The following PTCHD4 variants were observed in gnomAD, a reference collection of about 807,000 sequenced individuals.
The protein encoded by PTCHD4 is patched domain containing 4.
A neutral mutation model predicts 58.1 loss-of-function variants in PTCHD4; 33 were observed. The ratio of observed to expected loss-of-function variants is 0.57; its 90% CI spans 0.43 to 0.76. The LOEUF (loss-of-function observed/expected upper bound fraction) is 0.76. Among genes scored for constraint, PTCHD4 ranks in the 30% least tolerant of loss-of-function variants. The pLI, the probability that PTCHD4 is intolerant of heterozygous loss-of-function variation, is 0.00. For missense variants in PTCHD4, 1,058 were observed against 1,027.1 expected (o/e 1.03, Z -0.41); for synonymous variants, 478 against 409.6 (o/e 1.17, Z -2.02).
rs1055100306 is a variant in PTCHD4 at position 47,860,899 on chromosome 6, T to G, written c.*17404A>C. ...TATGATTTTTAGACTTGAAATAATT[T>G]TATATACTTTTAAAAATCAGTTCTG... is the stretch of plus-strand genomic sequence containing the variant. On this transcript the variant is annotated 3_prime_UTR_variant, in exon 5 of 5. Transcript: ENST00000339488. Among the ~76,000 whole-genome samples, 9 of 152,002 alleles carry G rather than the reference T, an allele frequency of 5.9e-5. No homozygotes were observed. Among genetic ancestry groups the G allele is most frequent in the African/African-American group, 1.9e-4 (8 of 41,428 alleles).
At chr6:47,926,363 TTAACTA>T (rs1397185509) in intron 4 of PTCHD4, among the ~76,000 whole-genome samples, 1 of 152,244 alleles carries the variant, frequency 6.6e-6, no homozygotes, top group Non-Finnish European at 1.5e-5. Context: ...TTTTTATTTC[TTAACTA>T]TAACATGTCT....
Position 47,873,556 on chromosome 6 carries a change from T to C in PTCHD4, c.*4747A>G, listed in dbSNP as rs1763772654. ...CTCCCCTGCTGGATCTCATGCAGTG[T>C]GGCTTTGTTGCTTTCACTTATGATT... On this transcript the variant is annotated 3_prime_UTR_variant, in exon 5 of 5. Coordinates refer to ENST00000339488, the MANE Select transcript of PTCHD4 (RefSeq NM_001384253.1). Among the ~76,000 whole-genome samples, 1 of 151,778 alleles carries C rather than the reference T, an allele frequency of 6.6e-6. No individual in the cohort carries two copies. Among genetic ancestry groups the C allele is most frequent in the South Asian group, 2.1e-4 (1 of 4,824 alleles).
At chr6:47,960,962 T>TAAA (rs66754863) in intron 4 of PTCHD4, among the ~76,000 whole-genome samples, 4 of 119,892 alleles carry the variant, frequency 3.3e-5, no homozygotes, top group Admixed American at 8.4e-5. Flanking sequence ...CTTTTTTTTT[T>TAAA]AAAAAAAAAA....
At chr6:48,000,853 T>C (rs954971061) in intron 4 of PTCHD4, among the ~76,000 whole-genome samples, 8 of 152,180 alleles carry the variant, frequency 5.3e-5, no homozygotes, top group African/African-American at 1.9e-4. Context: ...TAAAGTTTTC[T>C]TTCTCACCTG....
At chr6:47,957,279 A>T (rs1287125195) in intron 4 of PTCHD4, among the ~76,000 whole-genome samples, 1 of 148,240 alleles carries the variant, frequency 6.7e-6, no homozygotes, top group Admixed American at 6.7e-5. Flanking sequence ...TATTATATAT[A>T]TAGTTTCATT....
intron 1 of PTCHD4, among the ~76,000 whole-genome samples, chr6:48,077,423 G>A (rs1765081457): frequency 6.6e-6 from 1 of 152,178 alleles, no homozygotes; most frequent in South Asian, 2.1e-4. Context: ...ATTATCTTAG[G>A]TAGATCTTTG....
At chr6:47,952,917 A>T (rs1766707953) in intron 4 of PTCHD4, among the ~76,000 whole-genome samples, 1 of 151,042 alleles carries the variant, frequency 6.6e-6, no homozygotes, top group Non-Finnish European at 1.5e-5. Flanking sequence ...ATACACATAG[A>T]GTAGAAAATA....
chr6:47,905,553 A>G (rs1213699836), intron 4 of PTCHD4, among the ~76,000 whole-genome samples: 2 of 152,244 alleles, frequency 1.3e-5, no homozygotes, highest in African/African-American at 4.8e-5. Context: ...TAATTGTTAC[A>G]TGTAGCCTAC....
intron 1 of PTCHD4, among the ~76,000 whole-genome samples, chr6:48,106,952 T>G (rs936712504): frequency 1.8e-4 from 28 of 151,492 alleles, no homozygotes; most frequent in Admixed American, 3.3e-4. Context: ...AATAAAAGAG[T>G]ATACAAACAA....
At chr6:48,091,257 C>G (rs1177017016) in intron 1 of PTCHD4, among the ~76,000 whole-genome samples, 15 of 149,422 alleles carry the variant, frequency 1.0e-4, no homozygotes, top group Admixed American at 1.0e-3. Flanking sequence ...TGTTGAGTGG[C>G]TAGTAAAGGT....
At chr6:48,004,719 C>T (rs575530422) in intron 4 of PTCHD4, among the ~76,000 whole-genome samples, 2 of 152,214 alleles carry the variant, frequency 1.3e-5, no homozygotes, top group African/African-American at 4.8e-5. Flanking sequence ...GAGTTTGAGA[C>T]CAGCCTGGCC....
Position 47,858,484 on chromosome 6 carries a change from T to C in PTCHD4, c.*19819A>G, listed in dbSNP as rs1763348542. Among the ~76,000 whole-genome samples, 1 of 152,046 alleles carries C rather than the reference T, an allele frequency of 6.6e-6. No individual in the cohort carries two copies. The highest frequency in any genetic ancestry group is 2.4e-5 in the African/African-American group (1 of 41,446). On this transcript the variant is annotated 3_prime_UTR_variant, in exon 5 of 5. Coordinates refer to ENST00000339488, the MANE Select transcript of PTCHD4 (RefSeq NM_001384253.1). Reference sequence around the variant, plus strand: ...TATCACATCTCCCAAACAACTATCATTTATGATACTTTCAGAAGACTTTGC... The same window carrying C: ...TATCACATCTCCCAAACAACTATCACTTATGATACTTTCAGAAGACTTTGC...
At chr6:47,880,071 C>T (rs943600273) in intron 4 of PTCHD4, 135 bp from the exon 5 acceptor site, 1 of 719,388 alleles carries the variant, frequency 1.4e-6, no homozygotes, top group Admixed American at 3.3e-5. Flanking sequence ...CCTATCAGGG[C>T]CTCAAAAGTT....
In PTCHD4 at chr6:47,878,577, C is replaced by T. The variant is rs757792862; in HGVS notation, c.2258G>A (p.Gly753Glu). 6.2e-7 allele frequency: 1 copy of T among 1,613,532 alleles called. No individual in the cohort carries two copies. The highest frequency in any genetic ancestry group is 8.5e-7 in the Non-Finnish European group (1 of 1,179,744). ...QCIKSSLQDH[G>E]TAILQNVTSF... ...AGTAACATTTTGCAAAATGGCTGTC[C>T]CATGGTCTTGCAAGGAGCTTTTTAT... Residue 753 changes from glycine (G) to glutamate (E), a missense_variant, in exon 5 of 5, where the codon GGG becomes GAG. By Grantham distance (98) the Gly-to-Glu change is moderately conservative. Coordinates refer to ENST00000339488, the MANE Select transcript of PTCHD4 (RefSeq NM_001384253.1).
At chr6:48,012,978 T>C (rs1762736548) in intron 3 of PTCHD4, among the ~76,000 whole-genome samples, 1 of 152,206 alleles carries the variant, frequency 6.6e-6, no homozygotes. Context: ...GGTTTGGCAG[T>C]ATTTTATTGA....
chr6:48,031,049 T>A (rs530426270), intron 3 of PTCHD4, among the ~76,000 whole-genome samples: 1 of 152,252 alleles, frequency 6.6e-6, no homozygotes, highest in East Asian at 1.9e-4. Context: ...AAAGATTCTT[T>A]GCTCAGGGAA....
chr6:47,885,734 T>C lies in PTCHD4; in HGVS notation c.899-5798A>G, dbSNP rs578011465. On this transcript the variant is annotated intron_variant, in intron 4 of 4. Transcript: ENST00000339488. ...CATTTTTTCCAAACTCCTACTCTTC[T>C]AATGTAAGCTTCCATATTGTAATTG... 2.7e-4 allele frequency among the ~76,000 whole-genome samples: 41 copies of C among 152,360 alleles called. No homozygotes were observed. The East Asian group carries it at 3.5e-3, about 13-fold the overall frequency.
chr6:47,900,157 TA>T (rs1023063155), intron 4 of PTCHD4: 1 of 152,208 alleles, frequency 6.6e-6, no homozygotes, highest in Non-Finnish European at 1.5e-5. Flanking sequence ...GCAGTGGAAT[TA>T]CTGAATCAAA....
intron 4 of PTCHD4, among the ~76,000 whole-genome samples, chr6:47,987,653 G>T (rs1348472376): frequency 2.0e-5 from 3 of 152,058 alleles, no homozygotes; most frequent in Non-Finnish European, 4.4e-5. Context: ...TAATTCCAAG[G>T]GTTGCTCAAG....
Sources: gnomAD v4.1 joint callset for allele counts (sites outside exome capture counted in the v4.1 genomes callset) on GRCh38, gnomAD v4.1.1 for gene constraint, MANE v1.5 for transcripts, NCBI Gene and HGNC (gene_info 2026-07-23, HGNC 2026-07-21) for gene names.